Variants in SLC41A2 observed in about 807,000 individuals in gnomAD.
SLC41A2 encodes the protein SLC41A1-like 1.
In SLC41A2, 32 loss-of-function variants were observed where a neutral mutation model predicts 58.3. The ratio of observed to expected loss-of-function variants is 0.55; its 90% CI spans 0.41 to 0.74. The LOEUF is 0.74. Among genes scored for constraint, SLC41A2 ranks in the 30% least tolerant of loss-of-function variants. The pLI, the probability that SLC41A2 is intolerant of heterozygous loss-of-function variation, is 0.00. For synonymous variants in SLC41A2, 190 were observed against 235.0 expected, an observed-to-expected ratio of 0.81 and a Z score of 1.75; for missense variants, 514 against 680.6, an observed-to-expected ratio of 0.76 and a Z score of 2.72.
chr12:104,951,111 C>G (rs1412417456), intron 1 of SLC41A2, among the ~76,000 whole-genome samples: 3 of 152,092 alleles, frequency 2.0e-5, no homozygotes, highest in Non-Finnish European at 4.4e-5. Flanking sequence ...AATGGTTAAA[C>G]TTTTTCAAAT....
intron 3 of SLC41A2, among the ~76,000 whole-genome samples, chr12:104,904,719 C>A (rs1024069755): frequency 1.3e-5 from 2 of 151,736 alleles, no homozygotes; most frequent in Admixed American, 6.6e-5. Flanking sequence ...TGCAGACCTT[C>A]GCGATGAGTG....
chr12:104,926,777 A>G (rs1460849168), intron 2 of SLC41A2, among the ~76,000 whole-genome samples: 2 of 152,216 alleles, frequency 1.3e-5, no homozygotes, highest in South Asian at 2.1e-4. Context: ...GGCAAATATG[A>G]AAAAGATCAA....
chr12:104,853,917 T>TATTATTATTA (rs1373663794), intron 8 of SLC41A2, among the ~76,000 whole-genome samples: 1 of 54,430 alleles, frequency 1.8e-5, no homozygotes, highest in Non-Finnish European at 4.8e-5. Context: ...GCTGATTTTT[T>TATTATTATTA]TTTTTTTTTT....
chr12:104,877,478 A>C (rs2044106926), intron 6 of SLC41A2, among the ~76,000 whole-genome samples: 1 of 152,246 alleles, frequency 6.6e-6, no homozygotes, highest in African/African-American at 2.4e-5. Context: ...CTTTGAGCCA[A>C]CTTTCAGAAG....
chr12:104,833,946 T>C (rs1214007752), intron 10 of SLC41A2: 8 of 864,494 alleles, frequency 9.3e-6, no homozygotes, highest in Non-Finnish European at 1.1e-5. Context: ...CTCTAAATCA[T>C]ATCTGCAATG....
At position 104,936,399 on chromosome 12, in the gene SLC41A2, T is replaced by C. The variant is rs75747213; in HGVS notation, c.-167-7705A>G. Reference sequence around the variant, plus strand: ...TTGACCCTATGGAGGCCTATGCTAATGTGTGTGTGTATTAGTCCATTTTCA... The same window carrying C: ...TTGACCCTATGGAGGCCTATGCTAACGTGTGTGTGTATTAGTCCATTTTCA... On this transcript the variant is annotated intron_variant, in intron 1 of 10. Transcript: ENST00000258538. Among the ~76,000 whole-genome samples the C allele has an allele frequency of 8.0e-3, 1,225 of 152,244 alleles. 14 individuals are homozygous for C. Among genetic ancestry groups the C allele is most frequent in the African/African-American group, 0.027 (1,126 of 41,562 alleles).
intron 2 of SLC41A2, 38 bp downstream of exon 2, chr12:104,927,935 A>G (rs2046908226): frequency 8.6e-6 from 13 of 1,508,156 alleles, no homozygotes; most frequent in Non-Finnish European, 1.2e-5. Flanking sequence ...TGGAATAACA[A>G]AAAAAGACAG....
At chr12:104,840,598 G>A (rs1302149071) in intron 10 of SLC41A2, among the ~76,000 whole-genome samples, 2 of 152,184 alleles carry the variant, frequency 1.3e-5, no homozygotes, top group Non-Finnish European at 2.9e-5. Flanking sequence ...CTCTGGTCTT[G>A]ATATGGTCTA....
intron 10 of SLC41A2, among the ~76,000 whole-genome samples, chr12:104,832,264 T>C (rs1188587566): frequency 1.3e-5 from 2 of 152,198 alleles, no homozygotes; most frequent in Non-Finnish European, 2.9e-5. Flanking sequence ...ACGGATTATC[T>C]CTCTTGTACA....
chr12:104,814,338 T>C (rs111476701), intron 10 of SLC41A2, among the ~76,000 whole-genome samples: 7 of 152,110 alleles, frequency 4.6e-5, no homozygotes, highest in African/African-American at 1.7e-4. Flanking sequence ...TGAGCTGAGA[T>C]CTCACCACTG....
At chr12:104,926,575 T>C (rs905442928) in intron 2 of SLC41A2, among the ~76,000 whole-genome samples, 1 of 150,188 alleles carries the variant, frequency 6.7e-6, no homozygotes, top group African/African-American at 2.5e-5. Context: ...GTGACAAAGC[T>C]AGACTGCGCC....
At chr12:104,809,180 A>G (rs955991195) in intron 10 of SLC41A2, among the ~76,000 whole-genome samples, 4 of 152,106 alleles carry the variant, frequency 2.6e-5, no homozygotes, top group African/African-American at 9.7e-5. Flanking sequence ...TAAACTTTCA[A>G]TAAATGTCTG....
At chr12:104,821,917 G>T (rs2041652432) in intron 10 of SLC41A2, among the ~76,000 whole-genome samples, 1 of 152,072 alleles carries the variant, frequency 6.6e-6, no homozygotes, top group Non-Finnish European at 1.5e-5. Context: ...GTACAATTTA[G>T]AATTTTAAAA....
intron 10 of SLC41A2, among the ~76,000 whole-genome samples, chr12:104,816,940 T>C (rs1028380480): frequency 6.6e-6 from 1 of 152,196 alleles, no homozygotes; most frequent in African/African-American, 2.4e-5. Context: ...TATGCATATC[T>C]TCCCATATAC....
Position 104,928,584 on chromosome 12 carries a change from A to G in SLC41A2, c.-57T>C. ...GATCTCAAGCTTCGGGAACCACAGC[A>G]GATGAATCAGAACCGCACAAACACT... On this transcript the variant is annotated 5_prime_UTR_variant, in exon 2 of 11. Transcript: ENST00000258538. 1.7e-6 allele frequency: 2 copies of G among 1,149,148 alleles called. No homozygotes were observed. Among genetic ancestry groups the G allele is most frequent in the Non-Finnish European group, 2.4e-6 (2 of 847,440 alleles). The allele number at this position is 1,149,148 out of a possible 1,614,324, so 71.2% of individuals were successfully genotyped here.
At chr12:104,808,833 A>G (rs1354043099) in intron 10 of SLC41A2, among the ~76,000 whole-genome samples, 3 of 152,220 alleles carry the variant, frequency 2.0e-5, no homozygotes, top group African/African-American at 7.2e-5. Context: ...CATTTCTTCT[A>G]GATTTTCTAG....
chr12:104,839,131 T>C (rs2042317481), intron 10 of SLC41A2, among the ~76,000 whole-genome samples: 1 of 152,168 alleles, frequency 6.6e-6, no homozygotes, highest in Non-Finnish European at 1.5e-5. Context: ...GAAACAATAA[T>C]TGCCTAAAAT....
At chr12:104,931,281 C>G (rs2047043754) in intron 1 of SLC41A2, among the ~76,000 whole-genome samples, 1 of 152,214 alleles carries the variant, frequency 6.6e-6, no homozygotes, top group East Asian at 1.9e-4. Context: ...ATTCCTTTAG[C>G]TAATGGTATC....
rs540446228 is a variant in SLC41A2, at chr12:104,802,736, A to T, written c.*2416T>A. On this transcript the variant is annotated 3_prime_UTR_variant, in exon 11 of 11. Transcript: ENST00000258538. ...AGAGCTGGCAATACTCACCATCAGGATATAATAAACGGAGGTTTCTTTGTC... is the reference window on the plus strand; with the variant it reads ...AGAGCTGGCAATACTCACCATCAGGTTATAATAAACGGAGGTTTCTTTGTC... 3.9e-5 allele frequency: 6 copies of T among 152,320 alleles called. No homozygotes were observed. The highest frequency in any genetic ancestry group is 1.4e-4 in the African/African-American group (6 of 41,584). The allele number at this position is 152,320 out of a possible 1,614,324, so 9.4% of individuals were successfully genotyped here.
Sources: allele counts gnomAD v4.1 joint callset (sites outside exome capture counted in the v4.1 genomes callset), GRCh38; gene constraint gnomAD v4.1.1; transcripts MANE v1.5; gene names NCBI Gene and HGNC (gene_info 2026-07-23, HGNC 2026-07-21).